The following UNKL variants were observed in gnomAD, a reference collection of about 807,000 sequenced individuals.
UNKL encodes the protein unk like zinc finger.
UNKL carries 60 observed loss-of-function variants against 78.0 expected under a neutral mutation model. The ratio of observed to expected loss-of-function variants is 0.77; its 90% CI spans 0.63 to 0.95. The LOEUF (loss-of-function observed/expected upper bound fraction) is 0.95, where lower values mean the gene tolerates loss of function less well. UNKL is among the 40% of genes least tolerant of loss of function. The pLI, the probability that UNKL is intolerant of heterozygous loss-of-function variation, is 0.00. For missense variants in UNKL, 1,159 were observed against 1,045.7 expected, an observed-to-expected ratio of 1.11 and a Z score of -1.49; for synonymous variants, 608 against 474.8, an observed-to-expected ratio of 1.28 and a Z score of -3.65.
intron 2 of UNKL, among the ~76,000 whole-genome samples, chr16:1,408,180 C>T (rs759811817): frequency 3.3e-5 from 5 of 152,136 alleles, no homozygotes; most frequent in Non-Finnish European, 7.4e-5. Context: ...TTCTTTACCG[C>T]AATCTGTTTA....
Position 1,366,215 on chromosome 16 carries a change from C to A in UNKL, c.*25G>T. On this transcript the variant is annotated 3_prime_UTR_variant, in exon 15 of 15. Coordinates refer to ENST00000389221, the MANE Select transcript of UNKL (RefSeq NM_001372107.1). ...GGAGCGCTGGAGCCAGGGTGCCCAG[C>A]AGGAGGTGGCTGTCCCCGCTGAGGT... 1 of 1,492,782 alleles carries A rather than the reference C, an allele frequency of 6.7e-7. No individual in the cohort carries two copies. The highest frequency in any genetic ancestry group is 9.0e-7 in the Non-Finnish European group (1 of 1,112,800). The allele number at this position is 1,492,782 out of a possible 1,614,324, so 92.5% of individuals were successfully genotyped here.
At chr16:1,386,077 C>T (rs775048054) in intron 9 of UNKL, among the ~76,000 whole-genome samples, 19 of 152,236 alleles carry the variant, frequency 1.2e-4, no homozygotes, top group Non-Finnish European at 2.2e-4. Context: ...GAGCCACCTA[C>T]GAGGTCACTG....
chr16:1,395,202 C>G (rs1272351515), intron 6 of UNKL, among the ~76,000 whole-genome samples: 1 of 136,676 alleles, frequency 7.3e-6, no homozygotes, highest in African/African-American at 2.8e-5. Flanking sequence ...GAGTCTGGCT[C>G]TGTCGCCCAG....
chr16:1,383,829 C>T, intron 10 of UNKL: 1 of 440,740 alleles, frequency 2.3e-6, no homozygotes, highest in South Asian at 1.6e-5. Context: ...CGAGGGCCCC[C>T]ACCACGTGGC....
chr16:1,372,021 C>A (rs1041244474), intron 10 of UNKL, among the ~76,000 whole-genome samples: 2 of 152,038 alleles, frequency 1.3e-5, no homozygotes, highest in African/African-American at 4.8e-5. Flanking sequence ...CTTTGGGAGG[C>A]CGAGGTGGGC....
At chr16:1,401,513 C>T in intron 4 of UNKL, 55 bp downstream of exon 4, 1 of 1,467,258 alleles carries the variant, frequency 6.8e-7, no homozygotes, top group Non-Finnish European at 9.1e-7. Flanking sequence ...CCGAGCTGTT[C>T]TCGCGCTGTG....
At chr16:1,382,961 A>G (rs2036658415) in intron 10 of UNKL, among the ~76,000 whole-genome samples, 1 of 150,902 alleles carries the variant, frequency 6.6e-6, no homozygotes, top group Admixed American at 6.6e-5. Context: ...CTGTCTCAAA[A>G]AAAACACACA....
At chr16:1,404,686 G>T (rs561421422) in intron 2 of UNKL, among the ~76,000 whole-genome samples, 1 of 152,192 alleles carries the variant, frequency 6.6e-6, no homozygotes, top group Non-Finnish European at 1.5e-5. Context: ...AGCGTCATTC[G>T]CAAGAGCCAA....
Position 1,398,743 on chromosome 16 carries a change from C to T in UNKL, c.734+631G>A. 2.0e-6 allele frequency: 3 copies of T among 1,520,372 alleles called. No homozygotes were observed. In the South Asian group the frequency reaches 3.6e-5, roughly 18 times the overall value. 94.2% of individuals were successfully genotyped at this position (1,520,372 alleles called of 1,614,324 possible). ...GGAGGCAAGCCAGGCCAGGCACAAC[C>T]AGAAGGCCGGGCTGGAGCAAGGAGG... On this transcript the variant is annotated intron_variant, in intron 5 of 14. Transcript: ENST00000389221.
In UNKL at chr16:1,403,254, G is replaced by T; in HGVS notation, c.378C>A (p.Asp126Glu). 6.2e-7 allele frequency: 1 copy of T among 1,614,208 alleles called. No homozygotes were observed. Among genetic ancestry groups the T allele is most frequent in the Non-Finnish European group, 8.5e-7 (1 of 1,180,040 alleles). ...YKTGTCIHET[D>E]ARGHCVKNGL... ...CATTCTTCACGCAGTGGCCACGTGC[G>T]TCTGTCTCGTGGATGCAGGTTCCTG... The change falls in exon 3 of 15, where the codon GAC becomes GAA. Residue 126 changes from aspartate (D) to glutamate (E), a missense_variant. Transcript: ENST00000389221. The surrounding 1 kb of genome is among the most constrained non-coding windows in gnomAD (Gnocchi z 4.8).
At chr16:1,400,417 C>CAAAAAAAAAAA (rs56093103) in intron 4 of UNKL, among the ~76,000 whole-genome samples, 2 of 30,760 alleles carry the variant, frequency 6.5e-5, no homozygotes, top group African/African-American at 1.8e-4. Flanking sequence ...GACTCCATCT[C>CAAAAAAAAAAA]AAAAAAAAAA....
intron 10 of UNKL, among the ~76,000 whole-genome samples, chr16:1,384,499 G>T (rs2036732950): frequency 6.6e-6 from 1 of 152,074 alleles, no homozygotes; most frequent in Non-Finnish European, 1.5e-5. Context: ...AAAGCTGCCA[G>T]CCCAGGTGCT....
Position 1,367,787 on chromosome 16 carries a change from G to C in UNKL, c.1657C>G (p.Leu553Val). 4 of 1,574,300 alleles carry C rather than the reference G, an allele frequency of 2.5e-6. No homozygotes were observed. The highest frequency in any genetic ancestry group is 3.4e-6 in the Non-Finnish European group (4 of 1,160,530). ...GSFSPSPSPI[L>V]SAGPPSSSSA... ...GAAGAGGATGGGGGGCCGGCACTCA[G>C]GATGGGGGAGGGGCTGGGGGAGAAG... Residue 553 changes from leucine (L) to valine (V), a missense_variant, in exon 13 of 15, where the codon CTG (leucine) becomes GTG (valine). Leu to Val is a conservative substitution (Grantham distance 32). Coordinates refer to ENST00000389221, the MANE Select transcript of UNKL (RefSeq NM_001372107.1).
chr16:1,387,439 G>T lies in UNKL; in HGVS notation c.1087-2054C>A, dbSNP rs1164720600. Among the ~76,000 whole-genome samples, 1 of 152,198 alleles carries T rather than the reference G, an allele frequency of 6.6e-6. No individual in the cohort carries two copies. The highest frequency in any genetic ancestry group is 1.5e-5 in the Non-Finnish European group (1 of 68,030). On this transcript the variant is annotated intron_variant, in intron 9 of 14. Coordinates refer to ENST00000389221, the MANE Select transcript of UNKL (RefSeq NM_001372107.1). The surrounding 1 kb of genome is among the most constrained non-coding windows in gnomAD (Gnocchi z 4.1). ...CAGACCCTCAGTGTGGCCCCAGGAA[G>T]GCTGAGAAGGACCTCTTGACAGACG... is the stretch of plus-strand genomic sequence containing the variant.
Position 1,403,120 on chromosome 16 carries a change from C to G in UNKL, c.464+48G>C. The G allele has an allele frequency of 6.4e-7, 1 of 1,567,646 alleles. No homozygotes were observed. The highest frequency in any genetic ancestry group is 8.6e-7 in the Non-Finnish European group (1 of 1,156,566). ...CCGAGTTCCTGCTCATCCAGCAGAG[C>G]CCACAGCAGCAGGCAGGCCAAGTGC... is the stretch of plus-strand genomic sequence containing the variant. On this transcript the variant is annotated intron_variant, in intron 3 of 14. Transcript: ENST00000389221. This position sits in a 1 kb window ranked among gnomAD's most constrained non-coding sequence, Gnocchi z 4.8.
At chr16:1,382,495 G>C (rs1011385628) in intron 10 of UNKL, among the ~76,000 whole-genome samples, 7 of 152,160 alleles carry the variant, frequency 4.6e-5, no homozygotes, top group African/African-American at 1.7e-4. Flanking sequence ...TGGGCGCTGG[G>C]TCCATCCAGG....
chr16:1,414,605 G>A lies in UNKL; in HGVS notation c.77+10C>T, dbSNP rs1326035334. ...GCGGGCGGGGGGCCGCAGGCCGGAC[G>A]GGCGCTGACCTGTAGTGGGTCGGCT... On this transcript the variant is annotated intron_variant, in intron 1 of 14. Transcript: ENST00000389221. The A allele has an allele frequency of 1.9e-6, 2 of 1,048,004 alleles. No individual in the cohort carries two copies. The highest frequency in any genetic ancestry group is 2.3e-6 in the Non-Finnish European group (2 of 865,390). The allele number at this position is 1,048,004 out of a possible 1,614,324, so 64.9% of individuals were successfully genotyped here. A position where few individuals can be genotyped will look rare whatever the true frequency, so the allele number is the denominator to read the frequency against.
chr16:1,372,200 C>T (rs1017627024), intron 10 of UNKL, among the ~76,000 whole-genome samples: 13 of 152,024 alleles, frequency 8.6e-5, no homozygotes, highest in South Asian at 2.1e-4. Flanking sequence ...AGAGGCGGAG[C>T]TTGCAGTGAG....
At chr16:1,407,573 A>C (rs1197117414) in intron 2 of UNKL, among the ~76,000 whole-genome samples, 1 of 151,686 alleles carries the variant, frequency 6.6e-6, no homozygotes, top group African/African-American at 2.4e-5. Flanking sequence ...GTGTGCGCCT[A>C]TGGTCCCAGC....
Sources: gnomAD v4.1 joint callset for allele counts (sites outside exome capture counted in the v4.1 genomes callset) on GRCh38, gnomAD v4.1.1 for gene constraint, Gnocchi (gnomAD v3.1) non-coding constraint, MANE v1.5 for transcripts, NCBI Gene and HGNC (gene_info 2026-07-23, HGNC 2026-07-21) for gene names.